The following CAPG variants were observed in gnomAD, a reference collection of about 807,000 sequenced individuals.
The protein encoded by CAPG is macrophage-capping protein.
Under a neutral mutation model 44.6 loss-of-function variants are expected in CAPG, and 32 were observed. That is an observed-to-expected ratio of 0.72 (90% CI 0.54 to 0.96). The LOEUF (loss-of-function observed/expected upper bound fraction) is 0.96, where lower values mean the gene tolerates loss of function less well. Ranked by LOEUF, CAPG falls within the 50% of genes least tolerant of loss-of-function variation. The probability of loss-of-function intolerance (pLI) is 0.00; values close to 1 mark genes in which losing one functional copy is unlikely to be tolerated. For synonymous variants in CAPG, 175 were observed against 179.6 expected (o/e 0.97, Z 0.20); for missense variants, 412 against 438.3 (o/e 0.94, Z 0.54).
Position 85,395,445 on chromosome 2 carries a change from C to G in CAPG, c.981+93G>C. On this transcript the variant is annotated intron_variant, in intron 9 of 9. Transcript: ENST00000263867. This position sits in a 1 kb window ranked among gnomAD's most constrained non-coding sequence, Gnocchi z 4.3. The stretch of plus-strand genomic sequence containing the variant: ...AGGCCTGGTTGTTCCTGACAGTGCC[C>G]AAGGCTCTCCTGCCCTTCCTGGCCA... 8 of 986,312 alleles carry G rather than the reference C, an allele frequency of 8.1e-6. No homozygotes were observed. The highest frequency in any genetic ancestry group is 6.3e-6 in the Non-Finnish European group (4 of 635,466). 61.1% of individuals were successfully genotyped at this position (986,312 alleles called of 1,614,324 possible).
In CAPG at chr2:85,402,553, G is replaced by A. The variant is rs536059304; in HGVS notation, c.-13-395C>T. On this transcript the variant is annotated intron_variant, in intron 1 of 9. Transcript: ENST00000263867. ...GCGATCTCGCCTCACTGCAACCTCC[G>A]CCTCCCGGGTTCAAGTAATCCTCCG... Among the ~76,000 whole-genome samples the A allele has an allele frequency of 3.3e-5, 5 of 152,020 alleles. No individual in the cohort carries two copies. In the South Asian group the frequency reaches 8.3e-4, roughly 25 times the overall value.
Position 85,416,322 on chromosome 2 carries a change from G to C in CAPG, c.-14+1945C>G, listed in dbSNP as rs191500153. ...ACCTGTCTTCTAACTACCCTGCCAT[G>C]TGGCCCTCTCTGGGCCTCAGTTTCC... On this transcript the variant is annotated intron_variant, in intron 1 of 5. Transcript: ENST00000409275. Among the ~76,000 whole-genome samples, 11 of 152,150 alleles carry C rather than the reference G, an allele frequency of 7.2e-5. No individual in the cohort carries two copies. The East Asian group carries it at 2.1e-3, about 29-fold the overall frequency.
Position 85,401,549 on chromosome 2 carries a change from G to C in CAPG, c.331C>G (p.Pro111Ala). The change falls in exon 4 of 10, where the codon CCA becomes GCA. Residue 111 changes from proline to alanine, a missense_variant. By Grantham distance (27) the Pro-to-Ala change is conservative. Transcript: ENST00000263867. The stretch of plus-strand genomic sequence containing the variant: ...CTGACCTGGTACTTGAGGCCCCGTG[G>C]GAAGTAGCTCATGAAGAGGTCAGAC... ...NESDLFMSYF[P>A]RGLKYQEGGV... 6.2e-7 allele frequency: 1 copy of C among 1,613,346 alleles called. No individual in the cohort carries two copies. The highest frequency in any genetic ancestry group is 8.5e-7 in the Non-Finnish European group (1 of 1,180,008).
chr2:85,397,525 A>C (rs918086133), intron 8 of CAPG, among the ~76,000 whole-genome samples: 3 of 151,942 alleles, frequency 2.0e-5, no homozygotes, highest in Non-Finnish European at 4.4e-5. Context: ...CCTGGTAGTG[A>C]AACCCCATCT....
At chr2:85,399,718 G>A (rs1027042800) in intron 5 of CAPG, among the ~76,000 whole-genome samples, 1 of 151,596 alleles carries the variant, frequency 6.6e-6, no homozygotes, top group African/African-American at 2.4e-5. Context: ...ACAAACCGCT[G>A]GGCTCAAGCC....
chr2:85,404,276 A>C (rs1687044354), intron 1 of CAPG, among the ~76,000 whole-genome samples: 1 of 151,500 alleles, frequency 6.6e-6, no homozygotes, highest in Admixed American at 6.6e-5. Context: ...CACAACGCAA[A>C]AAAAAAAAAA....
chr2:85,411,922 C>T (rs113747771), upstream of CAPG, among the ~76,000 whole-genome samples: 7,956 of 151,788 alleles, frequency 0.052, 279 homozygotes, highest in Non-Finnish European at 0.084. Flanking sequence ...ATTAGCCGGG[C>T]ATGGTCATGG....
intron 4 of CAPG, 67 bp downstream of exon 4, chr2:85,401,462 C>G (rs1176103846): frequency 1.3e-6 from 2 of 1,596,242 alleles, no homozygotes; most frequent in Non-Finnish European, 1.7e-6. Context: ...AGGGTGAGAA[C>G]CAGCCAGAAG....
chr2:85,413,637 C>G (rs759523207), upstream of CAPG, among the ~76,000 whole-genome samples: 2 of 152,160 alleles, frequency 1.3e-5, no homozygotes, highest in Non-Finnish European at 2.9e-5. Context: ...GCCTAGGACT[C>G]TCGGGAGCGG....
chr2:85,418,553 C>T (rs1428646510), upstream of CAPG: 1 of 151,344 alleles, frequency 6.6e-6, no homozygotes, highest in Non-Finnish European at 1.5e-5. Flanking sequence ...GAGCCCAGGT[C>T]CGGAGGGCCC....
chr2:85,402,210 C>T, intron 1 of CAPG, 52 bp from the exon 2 acceptor site: 2 of 1,486,972 alleles, frequency 1.3e-6, no homozygotes, highest in Non-Finnish European at 1.8e-6. Flanking sequence ...AAAAGGACCT[C>T]TCACGTGGGG....
At chr2:85,392,234 C>T (rs929222239), downstream of CAPG, among the ~76,000 whole-genome samples, 1 of 152,042 alleles carries the variant, frequency 6.6e-6, no homozygotes, top group African/African-American at 2.4e-5. Flanking sequence ...ACTGAAAATG[C>T]AAAAAATTAG....
chr2:85,392,391 A>T (rs918610065), downstream of CAPG, among the ~76,000 whole-genome samples: 50 of 126,130 alleles, frequency 4.0e-4, no homozygotes, highest in African/African-American at 1.6e-3. Flanking sequence ...CTCCGTCTCA[A>T]AAAAAAAAAA....
At chr2:85,404,268 CA>C (rs1687042742) in intron 1 of CAPG, among the ~76,000 whole-genome samples, 1 of 128,004 alleles carries the variant, frequency 7.8e-6, no homozygotes, top group African/African-American at 3.0e-5. Context: ...AAGCCGCTCA[CA>C]ACGCAAAAAA....
chr2:85,402,985 G>A (rs940764872), intron 1 of CAPG, among the ~76,000 whole-genome samples: 3 of 152,030 alleles, frequency 2.0e-5, no homozygotes, highest in Non-Finnish European at 4.4e-5. Flanking sequence ...TGGCCAGGCT[G>A]GTCTTAAACT....
intron 1 of CAPG, among the ~76,000 whole-genome samples, chr2:85,416,701 A>G (rs372870632): frequency 1.9e-4 from 29 of 152,160 alleles, no homozygotes; most frequent in African/African-American, 7.0e-4. Context: ...TTTAGTAGAG[A>G]CAGGGTTTCA....
In CAPG at chr2:85,401,657, C is replaced by T. The variant is rs1255566461; in HGVS notation, c.223G>A (p.Gly75Arg). 2.5e-6 allele frequency: 4 copies of T among 1,614,092 alleles called. No individual in the cohort carries two copies. In the African/African-American group the frequency reaches 4.0e-5, roughly 16 times the overall value. Residue 75 changes from glycine (G) to arginine (R), a missense_variant, in exon 4 of 10, where the codon GGG becomes AGG. By Grantham distance (125) the Gly-to-Arg change is moderately radical (BLOSUM62 -2). Coordinates refer to ENST00000263867, the MANE Select transcript of CAPG (RefSeq NM_001747.4). ...TGCACAGCCAGCACGGCACAGGCCC[C>T]CTGCTCATCCCGGGATGACTGCTGG... ...IGQQSSRDEQ[G>R]ACAVLAVHLN...
At chr2:85,398,275 T>A in intron 7 of CAPG, 123 bp from the exon 8 acceptor site, 2 of 1,149,744 alleles carry the variant, frequency 1.7e-6, no homozygotes, top group Non-Finnish European at 2.5e-6. Flanking sequence ...ACTGCCCAGG[T>A]CCCAGGAGCA....
At chr2:85,394,449 C>T (rs76097352), downstream of CAPG, among the ~76,000 whole-genome samples, 7,560 of 152,294 alleles carry the variant, frequency 0.05, 228 homozygotes, top group Non-Finnish European at 0.067. Flanking sequence ...TTAGGGCATC[C>T]GAAGAAATAC....
Sources: gnomAD v4.1 joint callset for allele counts (sites outside exome capture counted in the v4.1 genomes callset) on GRCh38, gnomAD v4.1.1 for gene constraint, Gnocchi (gnomAD v3.1) non-coding constraint, MANE v1.5 for transcripts, NCBI Gene and HGNC (gene_info 2026-07-23, HGNC 2026-07-21) for gene names.